Variants in TENM1 observed in about 807,000 individuals in gnomAD.
The protein encoded by TENM1 is teneurin-1.
Under a neutral mutation model 174.8 loss-of-function variants are expected in TENM1, and 35 were observed. That is an observed-to-expected ratio of 0.20 (90% CI 0.15 to 0.27). TENM1 has a LOEUF of 0.27. Ranked by LOEUF, TENM1 falls within the 10% of genes least tolerant of loss-of-function variation. TENM1 has a pLI of 1.00. For missense variants in TENM1, 1,633 were observed against 2,130.1 expected (o/e 0.77, Z 4.59); for synonymous variants, 781 against 798.7 (o/e 0.98, Z 0.37).
intron 24 of TENM1, among the ~76,000 whole-genome samples, chrX:124,421,220 C>T (rs1210448599): frequency 8.9e-6 from 1 of 111,820 alleles, no homozygotes; most frequent in African/African-American, 3.3e-5. Flanking sequence ...GCCTAGATGC[C>T]CTTTCTTCTG....
chrX:124,805,466 G>A (rs769592015), intron 3 of TENM1, among the ~76,000 whole-genome samples: 75 of 112,702 alleles, frequency 6.7e-4, no homozygotes, highest in African/African-American at 2.4e-3. Context: ...TTTTTCAGAG[G>A]CTGATAAGAT....
At chrX:124,431,080 A>G (rs2060773852) in intron 23 of TENM1, among the ~76,000 whole-genome samples, 1 of 111,992 alleles carries the variant, frequency 8.9e-6, no homozygotes, top group South Asian at 3.8e-4. Context: ...TCCAGTATGT[A>G]CAAGGGGTTG....
chrX:124,840,956 C>G (rs1024491629), intron 3 of TENM1, among the ~76,000 whole-genome samples: 10 of 112,019 alleles, frequency 8.9e-5, no homozygotes, highest in Non-Finnish European at 1.5e-4. Context: ...TCTAGCAGAA[C>G]AGGAATGAAG....
At chrX:124,379,241 A>G (rs949774518) in exon 32 of TENM1, 2 of 112,438 alleles carry the variant, frequency 1.8e-5, no homozygotes, top group Admixed American at 9.5e-5. Flanking sequence ...TTAAATAAAG[A>G]TAAATGGGTA....
the TENM1 span, among the ~76,000 whole-genome samples, chrX:125,055,853 T>C: frequency 8.9e-6 from 1 of 112,106 alleles, no homozygotes; most frequent in Non-Finnish European, 1.9e-5. Context: ...GCAGGTATTC[T>C]AGAGCACTGT....
At chrX:124,918,182 AT>A (rs373039228) in intron 1 of TENM1, among the ~76,000 whole-genome samples, 2,901 of 101,686 alleles carry the variant, frequency 0.029, 42 homozygotes, top group African/African-American at 0.062. Flanking sequence ...AAGATACTGA[AT>A]TTTTTTTTTT....
At chrX:124,800,612 T>A (rs1233552071) in intron 3 of TENM1, among the ~76,000 whole-genome samples, 2 of 111,851 alleles carry the variant, frequency 1.8e-5, no homozygotes, top group African/African-American at 6.5e-5. Context: ...AGTTCTGCTC[T>A]GATCTTCATT....
chrX:124,791,482 G>A (rs1195367585), intron 3 of TENM1, among the ~76,000 whole-genome samples: 7 of 111,934 alleles, frequency 6.3e-5, no homozygotes, highest in Non-Finnish European at 1.1e-4. Flanking sequence ...AGATTTAATT[G>A]TCTCCCATTC....
chrX:124,655,837 G>A (rs2051426960), intron 6 of TENM1, among the ~76,000 whole-genome samples: 1 of 111,983 alleles, frequency 8.9e-6, no homozygotes, highest in South Asian at 3.7e-4. Context: ...GACCAACTGA[G>A]GACCTTATTT....
chrX:125,035,055 T>C, the TENM1 span, among the ~76,000 whole-genome samples: 1 of 112,073 alleles, frequency 8.9e-6, no homozygotes, highest in Non-Finnish European at 1.9e-5. Context: ...AGGTGGTTAA[T>C]GCTTATACAT....
At chrX:124,940,700 C>T (rs1012184022) in intron 1 of TENM1, among the ~76,000 whole-genome samples, 8 of 111,093 alleles carry the variant, frequency 7.2e-5, no homozygotes, top group Non-Finnish European at 1.5e-4. Flanking sequence ...TCTTGGCAGA[C>T]GACATTGTCT....
At chrX:124,980,152 G>A in the TENM1 span, among the ~76,000 whole-genome samples, 31 of 111,154 alleles carry the variant, frequency 2.8e-4, no homozygotes, top group African/African-American at 8.8e-4. Context: ...TGGAAGGATC[G>A]CTTGAAGCCA....
At chrX:125,106,558 C>A in the TENM1 span, among the ~76,000 whole-genome samples, 5 of 110,025 alleles carry the variant, frequency 4.5e-5, no homozygotes, top group African/African-American at 1.7e-4. Flanking sequence ...TACGGGCGCC[C>A]GCCACCACGC....
At chrX:124,591,604 T>C (rs2049745045) in intron 11 of TENM1, among the ~76,000 whole-genome samples, 1 of 112,037 alleles carries the variant, frequency 8.9e-6, no homozygotes, top group Non-Finnish European at 1.9e-5. Context: ...GTTAGCTTGA[T>C]GGAGTTCTCT....
chrX:124,711,677 AC>A (rs1211346814), intron 4 of TENM1, among the ~76,000 whole-genome samples: 1 of 112,101 alleles, frequency 8.9e-6, no homozygotes, highest in Non-Finnish European at 1.9e-5. Context: ...TTTTAAAAAA[AC>A]AAATTATAAA....
Position 124,420,291 on chromosome X carries a change from G to C in TENM1, c.4982+20C>G. On this transcript the variant is annotated intron_variant, in intron 25 of 31. Transcript: ENST00000422452. ...CAAATAAAAACCTAACAAAGCCCAT[G>C]TCAAGAATTAGAAACTTACTCATAA... The C allele has an allele frequency of 8.5e-7, 1 of 1,180,838 alleles. No individual in the cohort carries two copies. The highest frequency in any genetic ancestry group is 1.1e-6 in the Non-Finnish European group (1 of 878,423).
the TENM1 span, among the ~76,000 whole-genome samples, chrX:125,060,165 TCTCTCTCTCTCTCTCTCACACACACA>T: frequency 0.026 from 2,262 of 86,004 alleles, 77 homozygotes; most frequent in African/African-American, 0.13. Flanking sequence ...CTCTCCTCTC[TCTCTCTCTCTCTCTCTCACACACACA>T]CACACACACA....
At chrX:124,825,948 C>T (rs376683140) in intron 3 of TENM1, among the ~76,000 whole-genome samples, 6 of 112,151 alleles carry the variant, frequency 5.3e-5, no homozygotes, top group African/African-American at 1.3e-4. Context: ...CATACACTAT[C>T]GGTTGTAACA....
At chrX:124,764,950 C>A in intron 3 of TENM1, among the ~76,000 whole-genome samples, 1 of 110,624 alleles carries the variant, frequency 9.0e-6, no homozygotes, top group Non-Finnish European at 1.9e-5. Context: ...CCTTTCATCC[C>A]ATATTGTTTG....
Sources: allele counts gnomAD v4.1 joint callset (sites outside exome capture counted in the v4.1 genomes callset), GRCh38; gene constraint gnomAD v4.1.1; transcripts MANE v1.5; gene names NCBI Gene and HGNC (gene_info 2026-07-23, HGNC 2026-07-21).